The following MEF2C variants were observed in gnomAD, a reference collection of about 807,000 sequenced individuals.
The protein encoded by MEF2C is myocyte-specific enhancer factor 2C.
A neutral mutation model predicts 50.5 loss-of-function variants in MEF2C; 6 were observed. That is an observed-to-expected ratio of 0.12 (90% CI 0.07 to 0.23). MEF2C has a LOEUF of 0.23. MEF2C is among the 10% of genes least tolerant of loss of function. The pLI is 1.00. For synonymous variants in MEF2C, 183 were observed against 228.0 expected, an observed-to-expected ratio of 0.80 and a Z score of 1.78; for missense variants, 276 against 605.0, an observed-to-expected ratio of 0.46 and a Z score of 5.70.
chr5:88,757,826 G>A (rs974255381), intron 4 of MEF2C, among the ~76,000 whole-genome samples: 2 of 152,142 alleles, frequency 1.3e-5, no homozygotes, highest in Non-Finnish European at 2.9e-5. Context: ...TAAGGCAGGA[G>A]AATCACTTGA....
intron 6 of MEF2C, chr5:88,734,174 A>G (rs946939743): frequency 5.1e-6 from 5 of 985,052 alleles, no homozygotes; most frequent in Admixed American, 6.2e-5. Context: ...AATAGATTCT[A>G]CGGGATAAAA....
intron 5 of MEF2C, chr5:88,751,436 T>C: frequency 1.0e-6 from 1 of 985,190 alleles, no homozygotes; most frequent in Non-Finnish European, 1.2e-6. Flanking sequence ...TTGACCCAAA[T>C]AATAAATAAC....
rs151167351 is a variant in MEF2C, at chr5:88,717,417, T to G, written c.*5187A>C. The G allele has an allele frequency of 3.4e-4, 52 of 152,308 alleles. No homozygotes were observed. Among genetic ancestry groups the G allele is most frequent in the African/African-American group, 1.2e-3 (51 of 41,564 alleles). The allele number at this position is 152,308 out of a possible 1,614,324, so 9.4% of individuals were successfully genotyped here. ...GACTTCCCTGAGAATGCCTTTTATC[T>G]CCTATTAGTTTATAAGTTTCCTAAG... On this transcript the variant is annotated 3_prime_UTR_variant, in exon 11 of 11. Coordinates refer to ENST00000504921, the MANE Select transcript of MEF2C (RefSeq NM_002397.5).
In MEF2C at chr5:88,788,174, G is replaced by GTTTA. The variant is rs1462937731; in HGVS notation, c.258+16423_258+16424insTAAA. Among the ~76,000 whole-genome samples, 328 of 115,760 alleles carry GTTTA rather than the reference G, an allele frequency of 2.8e-3. 2 individuals are homozygous for GTTTA. The highest frequency in any genetic ancestry group is 8.9e-3 in the African/African-American group (302 of 33,902). The allele number at this position is 115,760 out of a possible 152,430, so 75.9% of individuals were successfully genotyped here. A position where few individuals can be genotyped will look rare whatever the true frequency, so the allele number is the denominator to read the frequency against. On this transcript the variant is annotated intron_variant, in intron 3 of 10. Coordinates refer to ENST00000504921, the MANE Select transcript of MEF2C (RefSeq NM_002397.5). The stretch of plus-strand genomic sequence containing the variant: ...TATTAACCATCATGCCAGTTTGTTT[G>GTTTA]TTTGTTTATTTATTTATTTATTTAT...
chr5:88,871,818 T>C (rs1581824749), intron 1 of MEF2C, among the ~76,000 whole-genome samples: 1 of 152,172 alleles, frequency 6.6e-6, no homozygotes, highest in East Asian at 1.9e-4. Context: ...TAAATAAAAA[T>C]ACCCAAATTA....
chr5:88,838,909 G>A (rs527410201), intron 1 of MEF2C, among the ~76,000 whole-genome samples: 2 of 151,998 alleles, frequency 1.3e-5, no homozygotes, highest in Non-Finnish European at 2.9e-5. Context: ...AAGCTCTTTA[G>A]GTACATTATT....
chr5:88,847,137 C>A (rs1415657498), intron 1 of MEF2C, among the ~76,000 whole-genome samples: 2 of 152,136 alleles, frequency 1.3e-5, no homozygotes, highest in Non-Finnish European at 2.9e-5. Context: ...CAACATTATT[C>A]ATCATTTACA....
At chr5:88,775,865 AT>A (rs547560064) in intron 3 of MEF2C, 409 of 957,500 alleles carry the variant, frequency 4.3e-4, no homozygotes, top group Non-Finnish European at 4.8e-4. Context: ...TATACATTTT[AT>A]TTTTTTATCT....
intron 2 of MEF2C, among the ~76,000 whole-genome samples, chr5:88,815,010 G>A (rs527868057): frequency 4.7e-4 from 72 of 152,206 alleles, no homozygotes; most frequent in Non-Finnish European, 3.1e-4. Flanking sequence ...AGTCTGCCTG[G>A]TTTGTTAAAG....
intron 3 of MEF2C, among the ~76,000 whole-genome samples, chr5:88,779,760 G>GTTT (rs70996493): frequency 0.043 from 6,259 of 147,072 alleles, 174 homozygotes; most frequent in Non-Finnish European, 0.05. Flanking sequence ...GCAAAGTGAG[G>GTTT]TTTTTTTTTT....
At chr5:88,832,516 G>A (rs765947022) in intron 1 of MEF2C, among the ~76,000 whole-genome samples, 1 of 152,042 alleles carries the variant, frequency 6.6e-6, no homozygotes, top group Admixed American at 6.6e-5. Flanking sequence ...TACAAGCGCA[G>A]GTAGCCTCAG....
intron 6 of MEF2C, chr5:88,738,695 G>A: frequency 1.0e-6 from 1 of 985,316 alleles, no homozygotes; most frequent in South Asian, 4.7e-5. Context: ...AATGAAGAGA[G>A]GACACAACTA....
chr5:88,810,471 T>C (rs1802311754), intron 2 of MEF2C, among the ~76,000 whole-genome samples: 2 of 152,146 alleles, frequency 1.3e-5, no homozygotes, highest in Admixed American at 6.6e-5. Context: ...AATTTAATTT[T>C]ACAATCACAG....
At chr5:88,819,163 A>C (rs1254071068) in intron 2 of MEF2C, among the ~76,000 whole-genome samples, 1 of 151,954 alleles carries the variant, frequency 6.6e-6, no homozygotes, top group Non-Finnish European at 1.5e-5. Context: ...TCTAAAAACT[A>C]TGCCTCTTAG....
rs1413316850 is a variant in MEF2C, at chr5:88,736,336, T to C, written c.638-4435A>G. 2 of 76,388 alleles carry C rather than the reference T, an allele frequency of 2.6e-5. 1 individual carries two copies. The highest frequency in any genetic ancestry group is 5.0e-5 in the Non-Finnish European group (2 of 40,192). 4.7% of individuals were successfully genotyped at this position (76,388 alleles called of 1,614,324 possible). A position where few individuals can be genotyped will look rare whatever the true frequency, so the allele number is the denominator to read the frequency against. ...GGTGAAACCCCGTCTCTACTAAAAA[T>C]ACAAAAAATTAGCCGGGCGCGGTGG... On this transcript the variant is annotated intron_variant, in intron 6 of 10. Coordinates refer to ENST00000504921, the MANE Select transcript of MEF2C (RefSeq NM_002397.5).
intron 3 of MEF2C, among the ~76,000 whole-genome samples, chr5:88,793,576 T>C (rs762253105): frequency 6.6e-6 from 1 of 152,138 alleles, no homozygotes; most frequent in Non-Finnish European, 1.5e-5. Flanking sequence ...GGTAAGTGAA[T>C]CTGTTTTTTT....
chr5:88,852,821 A>T (rs2362110), intron 1 of MEF2C, among the ~76,000 whole-genome samples: 1 of 152,164 alleles, frequency 6.6e-6, no homozygotes, highest in Non-Finnish European at 1.5e-5. Context: ...AGGCTGAGGC[A>T]GGAGAATCAC....
At chr5:88,782,208 C>T (rs947009230) in intron 3 of MEF2C, 2 of 965,380 alleles carry the variant, frequency 2.1e-6, no homozygotes, top group Non-Finnish European at 2.5e-6. Flanking sequence ...GTGGCTCACT[C>T]CTGTAATCCA....
In MEF2C at chr5:88,719,257, G is replaced by A. The variant is rs1038166650; in HGVS notation, c.*3347C>T. On this transcript the variant is annotated 3_prime_UTR_variant, in exon 11 of 11. Transcript: ENST00000504921. ...ACTTTTAAATGATCTGGGGATGACA[G>A]GTATTTTTATATTCATCATTACAAA... is the stretch of plus-strand genomic sequence containing the variant. 6.6e-6 allele frequency: 1 copy of A among 152,054 alleles called. No homozygotes were observed. Among genetic ancestry groups the A allele is most frequent in the Non-Finnish European group, 1.5e-5 (1 of 68,002 alleles). 9.4% of individuals were successfully genotyped at this position (152,054 alleles called of 1,614,324 possible). A position where few individuals can be genotyped will look rare whatever the true frequency, so the allele number is the denominator to read the frequency against.
Sources: allele counts gnomAD v4.1 joint callset (sites outside exome capture counted in the v4.1 genomes callset), GRCh38; gene constraint gnomAD v4.1.1; transcripts MANE v1.5; gene names NCBI Gene and HGNC (gene_info 2026-07-23, HGNC 2026-07-21).